Variants in TMEM43 observed in about 807,000 individuals in gnomAD.
The protein encoded by TMEM43 is transmembrane protein 43.
Under a neutral mutation model 49.6 loss-of-function variants are expected in TMEM43, and 45 were observed. That is an observed-to-expected ratio of 0.91 (90% CI 0.71 to 1.16). TMEM43 has a LOEUF of 1.16. Ranked by LOEUF, TMEM43 falls within the 50% of genes most tolerant of loss-of-function variation. The pLI is 0.00. For missense variants in TMEM43, 532 were observed against 516.6 expected (o/e 1.03, Z -0.29); for synonymous variants, 199 against 207.8 (o/e 0.96, Z 0.36).
chr3:14,131,801 A>G, intron 4 of TMEM43, 127 bp downstream of exon 4: 2 of 760,570 alleles, frequency 2.6e-6, no homozygotes, highest in Non-Finnish European at 2.3e-6. Context: ...CTATCAGAAA[A>G]GTGTGAAATG....
intron 8 of TMEM43, 105 bp from the exon 9 acceptor site, chr3:14,135,053 G>T: frequency 6.8e-7 from 1 of 1,479,332 alleles, no homozygotes; most frequent in Non-Finnish European, 9.3e-7. Flanking sequence ...GGGCACGGGT[G>T]TGGAGGTGGG....
At chr3:14,134,120 C>T (rs1038018355) in intron 7 of TMEM43, among the ~76,000 whole-genome samples, 2 of 152,194 alleles carry the variant, frequency 1.3e-5, no homozygotes, top group Admixed American at 6.5e-5. Flanking sequence ...ACAGTCCTTC[C>T]TCAAGCAGAC....
intron 1 of TMEM43, among the ~76,000 whole-genome samples, chr3:14,125,419 C>G (rs1695005316): frequency 6.6e-6 from 1 of 152,368 alleles, no homozygotes; most frequent in East Asian, 1.9e-4. Context: ...TTCCTTGGCT[C>G]GCCTCGTCCT....
rs1350586897 is a variant in TMEM43, at chr3:14,132,553, A to C, written c.400A>C (p.Thr134Pro). The change falls in exon 5 of 12, where the codon ACC (threonine) becomes CCC (proline). Residue 134 changes from threonine to proline, a missense_variant. Physicochemically the swap from Thr to Pro is conservative, Grantham distance 38. Coordinates refer to ENST00000306077, the MANE Select transcript of TMEM43 (RefSeq NM_024334.3). ...WVETEESREY[T>P]EDGQVKKETR... ...GCTTTGCTTTCCCTGCAGGGAGTAC[A>C]CCGAGGATGGGCAGGTGAAGAAGGA... is the stretch of plus-strand genomic sequence containing the variant. 1 of 1,613,950 alleles carries C rather than the reference A, an allele frequency of 6.2e-7. No individual in the cohort carries two copies. Among genetic ancestry groups the C allele is most frequent in the Non-Finnish European group, 8.5e-7 (1 of 1,179,986 alleles).
In TMEM43 at chr3:14,132,895, A is replaced by G. The variant is rs888352687; in HGVS notation, c.472A>G (p.Ser158Gly). 6.2e-7 allele frequency: 1 copy of G among 1,614,102 alleles called. No individual in the cohort carries two copies. ...TGAATGGAGGTCAGAAATCATCAAC[A>G]GCAAAAACTTCGACCGAGAGATTGG... The part of the protein sequence containing the change: ...NTEWRSEIIN[S>G]KNFDREIGHK... The change falls in exon 6 of 12, where the codon AGC becomes GGC. Residue 158 changes from serine to glycine, a missense_variant. Coordinates refer to ENST00000306077, the MANE Select transcript of TMEM43 (RefSeq NM_024334.3).
intron 1 of TMEM43, chr3:14,128,797 G>T (rs2124984856): frequency 3.2e-6 from 1 of 308,906 alleles, no homozygotes; most frequent in African/African-American, 2.2e-5. Flanking sequence ...GGAAATGAAA[G>T]CACATGTCTG....
intron 10 of TMEM43, among the ~76,000 whole-genome samples, chr3:14,138,836 A>G (rs1695211092): frequency 6.6e-6 from 1 of 152,242 alleles, no homozygotes; most frequent in East Asian, 1.9e-4. Context: ...GATCACACAC[A>G]TAGCGCAGAG....
At chr3:14,139,519 A>T (rs1010537736) in intron 11 of TMEM43, among the ~76,000 whole-genome samples, 1 of 151,886 alleles carries the variant, frequency 6.6e-6, no homozygotes, top group African/African-American at 2.4e-5. Flanking sequence ...GGTGGGGCCA[A>T]CTCTGGGGCA....
rs966031012 is a variant in TMEM43, at chr3:14,141,859, G to C, written c.*64G>C. ...AGGATCCAGGTCCTCTCTCACCTCTGACCCAGCTCCATGCCAGAGCAGGAG... is the reference window on the plus strand; with the variant it reads ...AGGATCCAGGTCCTCTCTCACCTCTCACCCAGCTCCATGCCAGAGCAGGAG... On this transcript the variant is annotated 3_prime_UTR_variant, in exon 12 of 12. Transcript: ENST00000306077. 1.5e-5 allele frequency: 23 copies of C among 1,514,306 alleles called. No homozygotes were observed. The South Asian group carries it at 2.6e-4, about 17-fold the overall frequency. The allele number at this position is 1,514,306 out of a possible 1,614,324, so 93.8% of individuals were successfully genotyped here.
intron 9 of TMEM43, 23 bp from the exon 10 acceptor site, chr3:14,135,784 C>CT (rs754195892): frequency 6.2e-7 from 1 of 1,608,538 alleles, no homozygotes; most frequent in African/African-American, 1.3e-5. Context: ...CCCCTCAGCT[C>CT]TAACACCAGG....
At position 14,131,662 on chromosome 3, in the gene TMEM43, C is replaced by T. The variant is rs754381041; in HGVS notation, c.380C>T (p.Thr127Ile). 36 of 1,613,690 alleles carry T rather than the reference C, an allele frequency of 2.2e-5. No individual in the cohort carries two copies. The highest frequency in any genetic ancestry group is 3.0e-5 in the Non-Finnish European group (35 of 1,179,668). The change falls in exon 4 of 12, where the codon ACT becomes ATT. Residue 127 changes from threonine to isoleucine, a missense_variant. Transcript: ENST00000306077. ...RHVEMYQWVE[T>I]EESREYTEDG... ...GTGGAGATGTACCAATGGGTAGAAACTGAGGAGTCCAGGTGAGCTGTTGGG... is the reference window on the plus strand; with the variant it reads ...GTGGAGATGTACCAATGGGTAGAAATTGAGGAGTCCAGGTGAGCTGTTGGG...
Position 14,135,141 on chromosome 3 carries a change from T to C in TMEM43, c.706-17T>C. On this transcript the variant is annotated splice_polypyrimidine_tract_variant and intron_variant, in intron 8 of 11. Coordinates refer to ENST00000306077, the MANE Select transcript of TMEM43 (RefSeq NM_024334.3). ...CTACTCCGTTCCTCACTCTCCCTGC[T>C]TCTCTTCCACCCCCAGGTGGGAGAC... 6.2e-7 allele frequency: 1 copy of C among 1,609,718 alleles called. No homozygotes were observed. Among genetic ancestry groups the C allele is most frequent in the Non-Finnish European group, 8.5e-7 (1 of 1,178,556 alleles).
chr3:14,135,857 C>T lies in TMEM43; in HGVS notation c.831C>T (p.Thr277=), dbSNP rs758007704. The T allele has an allele frequency of 1.1e-5, 17 of 1,614,030 alleles. No individual in the cohort carries two copies. The South Asian group carries it at 1.9e-4, about 18-fold the overall frequency. Reference sequence around the variant, plus strand: ...GTGACCAGCTAGTCCCATTCTCCACCAAGTCTGGGGATACCTTACTGCTCC... The same window carrying T: ...GTGACCAGCTAGTCCCATTCTCCACTAAGTCTGGGGATACCTTACTGCTCC... ...QRGDQLVPFS[T]KSGDTLLLLH... The change falls in exon 10 of 12, where the codon ACC becomes ACT. Residue 277 remains threonine, a synonymous_variant. Coordinates refer to ENST00000306077, the MANE Select transcript of TMEM43 (RefSeq NM_024334.3).
chr3:14,129,341 A>G, intron 1 of TMEM43, 71 bp from the exon 2 acceptor site: 1 of 1,041,020 alleles, frequency 9.6e-7, no homozygotes, highest in South Asian at 1.6e-5. Context: ...AAAATTGAGT[A>G]TAAATAAATA....
At chr3:14,132,773 C>G in intron 5 of TMEM43, 93 bp from the exon 6 acceptor site, 4 of 1,427,960 alleles carry the variant, frequency 2.8e-6, no homozygotes, top group Non-Finnish European at 4.0e-6. Context: ...CTGACCCACC[C>G]CTTTGGCTGT....
intron 10 of TMEM43, chr3:14,137,309 AAAATT>A (rs1695181783): frequency 6.6e-6 from 1 of 152,174 alleles, no homozygotes. Context: ...GCGAGTTTCT[AAAATT>A]AGGAGGCCCA....
At chr3:14,135,729 G>T in intron 9 of TMEM43, 78 bp from the exon 10 acceptor site, 1 of 1,280,938 alleles carries the variant, frequency 7.8e-7, no homozygotes, top group South Asian at 1.2e-5. Flanking sequence ...ACCCAGTCCC[G>T]GGAGGGTGGG....
intron 1 of TMEM43, among the ~76,000 whole-genome samples, chr3:14,126,564 A>G (rs1444733771): frequency 6.6e-6 from 1 of 152,198 alleles, no homozygotes; most frequent in Admixed American, 6.5e-5. Flanking sequence ...ATGTAGCCTC[A>G]TGGATCAGTT....
chr3:14,136,199 C>T (rs1180561731), intron 10 of TMEM43, among the ~76,000 whole-genome samples: 2 of 152,208 alleles, frequency 1.3e-5, no homozygotes, highest in Non-Finnish European at 2.9e-5. Context: ...TTGTACACAT[C>T]GCCTGAAGGT....
Sources: allele counts gnomAD v4.1 joint callset (sites outside exome capture counted in the v4.1 genomes callset), GRCh38; gene constraint gnomAD v4.1.1; transcripts MANE v1.5; gene names NCBI Gene and HGNC (gene_info 2026-07-23, HGNC 2026-07-21).